FZR1: variants seen among roughly 807,000 people sequenced by gnomAD.
The protein encoded by FZR1 is fizzy-related protein homolog.
A neutral mutation model predicts 63.6 loss-of-function variants in FZR1; 11 were observed. The ratio of observed to expected loss-of-function variants is 0.17; its 90% CI spans 0.11 to 0.29. FZR1 has a LOEUF of 0.29. Ranked by LOEUF, FZR1 falls within the 10% of genes least tolerant of loss-of-function variation. FZR1 has a pLI of 1.00. For missense variants in FZR1, 440 were observed against 687.5 expected, an observed-to-expected ratio of 0.64 and a Z score of 4.03; for synonymous variants, 328 against 297.9, an observed-to-expected ratio of 1.10 and a Z score of -1.04.
intron 7 of FZR1, among the ~76,000 whole-genome samples, chr19:3,528,620 T>C (rs191199210): frequency 1.3e-5 from 2 of 151,636 alleles, no homozygotes; most frequent in African/African-American, 4.9e-5. Context: ...GATGAGAGAG[T>C]GAATGAGTGG....
chr19:3,531,846 G>A (rs772328130), intron 9 of FZR1, 30 bp downstream of exon 9: 2 of 1,549,586 alleles, frequency 1.3e-6, no homozygotes, highest in East Asian at 4.9e-5. Context: ...TGGCTGGTGA[G>A]CTCCCTGAGG....
rs1183246832 is a variant in FZR1, at chr19:3,526,545, G to A, written c.387+159G>A. ...ACCCTGTTCCTTAGCCAGGTCAGGG[G>A]CCCTGGGATCTGAGGCTGGAGGTCT... On this transcript the variant is annotated intron_variant, in intron 5 of 13. Transcript: ENST00000441788. This position sits in a 1 kb window ranked among gnomAD's most constrained non-coding sequence, Gnocchi z 5.4. 2.6e-5 allele frequency among the ~76,000 whole-genome samples: 4 copies of A among 152,230 alleles called. No homozygotes were observed. The highest frequency in any genetic ancestry group is 4.4e-5 in the Non-Finnish European group (3 of 68,038).
intron 1 of FZR1, among the ~76,000 whole-genome samples, chr19:3,507,798 G>A (rs940902960): frequency 2.0e-5 from 3 of 152,230 alleles, no homozygotes; most frequent in African/African-American, 7.2e-5. Flanking sequence ...TCTGTCATGC[G>A]GAATTCCGCG....
At position 3,514,939 on chromosome 19, in the gene FZR1, CA is replaced by C. The variant is rs1276972240; in HGVS notation, c.-34-8016del. 3.9e-5 allele frequency among the ~76,000 whole-genome samples: 6 copies of C among 152,144 alleles called. No homozygotes were observed. The highest frequency in any genetic ancestry group is 1.4e-4 in the African/African-American group (6 of 41,434). On this transcript the variant is annotated intron_variant, in intron 1 of 13. Coordinates refer to ENST00000441788, the MANE Select transcript of FZR1 (RefSeq NM_016263.4). The surrounding 1 kb of genome is among the most constrained non-coding windows in gnomAD (Gnocchi z 4.2). The stretch of plus-strand genomic sequence containing the variant: ...CCTCCTGGCTCTTCATTCTGGGGCC[CA>C]GGGGGTGAAAGGTGGACCTTCCCTA...
Position 3,531,989 on chromosome 19 carries a change from C to A in FZR1, c.902C>A (p.Pro301Gln). 6.3e-7 allele frequency: 1 copy of A among 1,575,256 alleles called. No individual in the cohort carries two copies. Among genetic ancestry groups the A allele is most frequent in the East Asian group, 2.3e-5 (1 of 43,412 alleles). Reference sequence around the variant, plus strand: ...ATCCTGCAGAGGGACATCCGCACCCCGCCACTGCAGTCGGAGCGGCGGCTG... The same window carrying A: ...ATCCTGCAGAGGGACATCCGCACCCAGCCACTGCAGTCGGAGCGGCGGCTG... ...RMILQRDIRT[P>Q]PLQSERRLQG... The change falls in exon 10 of 14, where the codon CCG becomes CAG. Residue 301 changes from proline (P) to glutamine (Q), a missense_variant. By Grantham distance (76) the Pro-to-Gln change is moderately conservative. Coordinates refer to ENST00000441788, the MANE Select transcript of FZR1 (RefSeq NM_016263.4).
At chr19:3,529,689 TGGATGGTTGAGC>T (rs1226455989) in intron 7 of FZR1, among the ~76,000 whole-genome samples, 1 of 71,390 alleles carries the variant, frequency 1.4e-5, no homozygotes, top group Non-Finnish European at 2.9e-5. Context: ...GTTGAGGGAG[TGGATGGTTGAGC>T]GGATGGGAGA....
Position 3,514,072 on chromosome 19 carries a change from G to A in FZR1, c.-35+7598G>A, listed in dbSNP as rs1004527067. 2.0e-5 allele frequency among the ~76,000 whole-genome samples: 3 copies of A among 152,122 alleles called. No individual in the cohort carries two copies. The highest frequency in any genetic ancestry group is 6.5e-5 in the Admixed American group (1 of 15,280). The stretch of plus-strand genomic sequence containing the variant: ...GTGCTGTGTTCCTGAGGAAGATCCC[G>A]CACCAGGGGAGACCTTGGGGGCTTT... On this transcript the variant is annotated intron_variant, in intron 1 of 13. Coordinates refer to ENST00000441788, the MANE Select transcript of FZR1 (RefSeq NM_016263.4). This position sits in a 1 kb window ranked among gnomAD's most constrained non-coding sequence, Gnocchi z 4.2.
At chr19:3,521,854 CTTTTTTT>C (rs752626707) in intron 1 of FZR1, among the ~76,000 whole-genome samples, 1 of 139,604 alleles carries the variant, frequency 7.2e-6, no homozygotes, top group Non-Finnish European at 1.5e-5. Context: ...AATTTTTTCA[CTTTTTTT>C]TTTTTTTTTT....
rs2083239956 is a variant in FZR1, at chr19:3,530,856, G to A, written c.719G>A (p.Arg240Gln). The A allele has an allele frequency of 2.5e-6, 4 of 1,611,442 alleles. No homozygotes were observed. Among genetic ancestry groups the A allele is most frequent in the Non-Finnish European group, 8.5e-7 (1 of 1,178,600 alleles). Reference protein sequence around the residue: ...DSVTSVGWSERGNLVAVGTHK... With the variant: ...DSVTSVGWSEQGNLVAVGTHK... ...GTGACCTCCGTGGGCTGGTCTGAGC[G>A]GGTGAGTGCAGAGGGCTTGGCCCCC... Residue 240 changes from arginine (R) to glutamine (Q), a missense_variant and splice_region_variant, in exon 8 of 14, where the codon CGG becomes CAG. Physicochemically the swap from Arg to Gln is conservative, Grantham distance 43. This residue lies in a region of FZR1 where 208 missense variants were observed against 363.6 expected (regional missense o/e 0.57). Coordinates refer to ENST00000441788, the MANE Select transcript of FZR1 (RefSeq NM_016263.4).
rs2030037928 is a variant in FZR1 at position 3,537,780 on chromosome 19, C to A, written c.*2944C>A. The A allele has an allele frequency of 2.6e-5, 4 of 152,704 alleles. No individual in the cohort carries two copies. Among genetic ancestry groups the A allele is most frequent in the Admixed American group, 2.6e-4 (4 of 15,284 alleles). The allele number at this position is 152,704 out of a possible 1,614,324, so 9.5% of individuals were successfully genotyped here. ...ATTGGAGATGATGAAACCGAGCAGA[C>A]CTGGCCCATGTGGAGCTGGCATGGG... On this transcript the variant is annotated 3_prime_UTR_variant, in exon 14 of 14. Coordinates refer to ENST00000441788, the MANE Select transcript of FZR1 (RefSeq NM_016263.4).
At chr19:3,507,901 A>T (rs2082996997) in intron 1 of FZR1, among the ~76,000 whole-genome samples, 1 of 152,228 alleles carries the variant, frequency 6.6e-6, no homozygotes, top group Non-Finnish European at 1.5e-5. Context: ...TGTGCTGGCC[A>T]CTGGCCGCTG....
chr19:3,529,753 T>G (rs1302890499), intron 7 of FZR1, among the ~76,000 whole-genome samples: 16 of 102,520 alleles, frequency 1.6e-4, no homozygotes, highest in Non-Finnish European at 2.8e-4. Context: ...GGTGAGCGCA[T>G]GGGAGCGCAT....
rs1243868562 is a variant in FZR1, at chr19:3,525,997, AG to A, written c.195+8del. 1.2e-6 allele frequency: 2 copies of A among 1,611,862 alleles called. No homozygotes were observed. The highest frequency in any genetic ancestry group is 2.2e-5 in the South Asian group (2 of 91,036). ...CGTGAACTTCCACAGGATTAACGTG[AG>A]GGGCTGGCTGGGCAGGAGATGGGAC... On this transcript the variant is annotated splice_donor_5th_base_variant and intron_variant, in intron 3 of 13. Coordinates refer to ENST00000441788, the MANE Select transcript of FZR1 (RefSeq NM_016263.4). The surrounding 1 kb of genome is among the most constrained non-coding windows in gnomAD (Gnocchi z 4.2).
At chr19:3,534,011 C>T (rs2083272873) in intron 12 of FZR1, among the ~76,000 whole-genome samples, 1 of 151,942 alleles carries the variant, frequency 6.6e-6, no homozygotes, top group Non-Finnish European at 1.5e-5. Context: ...TCGCTTGAGC[C>T]CAGGAGTTCA....
chr19:3,513,885 C>T (rs1368599180), intron 1 of FZR1, among the ~76,000 whole-genome samples: 1 of 152,192 alleles, frequency 6.6e-6, no homozygotes, highest in Non-Finnish European at 1.5e-5. Flanking sequence ...AGACCATAGT[C>T]AGCCTCAACA....
At chr19:3,534,269 T>A in intron 12 of FZR1, 152 bp from the exon 13 acceptor site, 1 of 487,872 alleles carries the variant, frequency 2.0e-6, no homozygotes, top group African/African-American at 2.2e-5. Context: ...TGGTTTCTGC[T>A]TGTGGTGGCC....
Position 3,531,990 on chromosome 19 carries a change from G to A in FZR1, c.903G>A (p.Pro301=), listed in dbSNP as rs377385610. The A allele has an allele frequency of 5.1e-5, 81 of 1,574,512 alleles. No individual in the cohort carries two copies. Among genetic ancestry groups the A allele is most frequent in the Non-Finnish European group, 6.1e-5 (71 of 1,166,028 alleles). The change falls in exon 10 of 14, where the codon CCG becomes CCA. Residue 301 remains proline, a synonymous_variant. Coordinates refer to ENST00000441788, the MANE Select transcript of FZR1 (RefSeq NM_016263.4). ...RMILQRDIRT[P]PLQSERRLQG... ...TCCTGCAGAGGGACATCCGCACCCCGCCACTGCAGTCGGAGCGGCGGCTGC... is the reference window on the plus strand; with the variant it reads ...TCCTGCAGAGGGACATCCGCACCCCACCACTGCAGTCGGAGCGGCGGCTGC...
At chr19:3,522,890 G>A in intron 1 of FZR1, 66 bp from the exon 2 acceptor site, 2 of 824,768 alleles carry the variant, frequency 2.4e-6, no homozygotes, top group Non-Finnish European at 2.1e-6. Flanking sequence ...GGAGGTGCAG[G>A]CGAGCCCCGT....
rs906147737 is a variant in FZR1 at position 3,526,806 on chromosome 19, T to TG, written c.388-168dup. On this transcript the variant is annotated intron_variant, in intron 5 of 13. Coordinates refer to ENST00000441788, the MANE Select transcript of FZR1 (RefSeq NM_016263.4). The surrounding 1 kb of genome is among the most constrained non-coding windows in gnomAD (Gnocchi z 5.4). ...GTCCCTCGAGAGAGGGCGGGAGGGG[T>TG]GGGGGGTCCGCAGTCCCCGCCAGGA... Among the ~76,000 whole-genome samples, 11 of 138,960 alleles carry TG rather than the reference T, an allele frequency of 7.9e-5. 1 individual carries two copies. Among genetic ancestry groups the TG allele is most frequent in the African/African-American group, 1.5e-4 (6 of 38,996 alleles). 91.2% of individuals were successfully genotyped at this position (138,960 alleles called of 152,430 possible). A position where few individuals can be genotyped will look rare whatever the true frequency, so the allele number is the denominator to read the frequency against.
Sources: allele counts gnomAD v4.1 joint callset (sites outside exome capture counted in the v4.1 genomes callset), GRCh38; gene constraint gnomAD v4.1.1; regional missense constraint gnomAD v4.1.1; non-coding constraint Gnocchi (gnomAD v3.1); transcripts MANE v1.5; gene names NCBI Gene and HGNC (gene_info 2026-07-23, HGNC 2026-07-21).